Variants in TSPAN32 observed in about 807,000 individuals in gnomAD.
TSPAN32 encodes the protein tetraspanin-32.
Under a neutral mutation model 42.7 loss-of-function variants are expected in TSPAN32, and 47 were observed. The observed-to-expected ratio is 1.10, with a 90% confidence interval of 0.87 to 1.40. The LOEUF is 1.40. Ranked by LOEUF, TSPAN32 falls within the 40% of genes most tolerant of loss-of-function variation. The pLI is 0.00. For missense variants in TSPAN32, 469 were observed against 424.1 expected (o/e 1.11, Z -0.93); for synonymous variants, 175 against 175.9 (o/e 0.99, Z 0.04).
chr11:2,302,103 C>T lies in TSPAN32; in HGVS notation c.-47C>T. 1 of 1,486,166 alleles carries T rather than the reference C, an allele frequency of 6.7e-7. No individual in the cohort carries two copies. Among genetic ancestry groups the T allele is most frequent in the Non-Finnish European group, 8.9e-7 (1 of 1,119,568 alleles). 92.1% of individuals were successfully genotyped at this position (1,486,166 alleles called of 1,614,324 possible). A position where few individuals can be genotyped will look rare whatever the true frequency, so the allele number is the denominator to read the frequency against. On this transcript the variant is annotated 5_prime_UTR_variant, in exon 1 of 10. Transcript: ENST00000182290. ...CTGAGGCCCCTGCCCAGCTGGAAAC[C>T]ACAGGGAGGGGAAGGGAGGGGAGGA... is the stretch of plus-strand genomic sequence containing the variant.
chr11:2,317,579 G>A lies in TSPAN32; in HGVS notation c.901+54G>A. Reference sequence around the variant, plus strand: ...TGGGATCCCTGAGGGGAGGGTCCGAGCTGTGAGGAGGGAAGGGAGTGAAGG... The same window carrying A: ...TGGGATCCCTGAGGGGAGGGTCCGAACTGTGAGGAGGGAAGGGAGTGAAGG... On this transcript the variant is annotated intron_variant, in intron 9 of 9. Coordinates refer to ENST00000182290, the MANE Select transcript of TSPAN32 (RefSeq NM_139022.3). This position sits in a 1 kb window ranked among gnomAD's most constrained non-coding sequence, Gnocchi z 6.2. 14 of 1,528,420 alleles carry A rather than the reference G, an allele frequency of 9.2e-6. No individual in the cohort carries two copies. Among genetic ancestry groups the A allele is most frequent in the Non-Finnish European group, 1.2e-5 (14 of 1,141,742 alleles). The allele number at this position is 1,528,420 out of a possible 1,614,324, so 94.7% of individuals were successfully genotyped here.
rs1291676764 is a variant in TSPAN32 at position 2,317,569 on chromosome 11, G to A, written c.901+44G>A. On this transcript the variant is annotated intron_variant, in intron 9 of 9. Coordinates refer to ENST00000182290, the MANE Select transcript of TSPAN32 (RefSeq NM_139022.3). This position sits in a 1 kb window ranked among gnomAD's most constrained non-coding sequence, Gnocchi z 6.2. ...TCAGCCCTCATGGGATCCCTGAGGG[G>A]AGGGTCCGAGCTGTGAGGAGGGAAG... is the stretch of plus-strand genomic sequence containing the variant. 1 of 1,538,502 alleles carries A rather than the reference G, an allele frequency of 6.5e-7. No individual in the cohort carries two copies.
intron 3 of TSPAN32, among the ~76,000 whole-genome samples, chr11:2,305,156 A>G (rs1413499480): frequency 6.6e-6 from 1 of 152,238 alleles, no homozygotes; most frequent in Non-Finnish European, 1.5e-5. Context: ...AATGTCTCCA[A>G]GAATAGGAAT....
Position 2,317,824 on chromosome 11 carries a change from T to G in TSPAN32, c.902-39T>G, listed in dbSNP as rs1001574590. 8 of 1,604,976 alleles carry G rather than the reference T, an allele frequency of 5.0e-6. No individual in the cohort carries two copies. Among genetic ancestry groups the G allele is most frequent in the African/African-American group, 1.3e-5 (1 of 74,662 alleles). On this transcript the variant is annotated intron_variant, in intron 9 of 9. Transcript: ENST00000182290. This position sits in a 1 kb window ranked among gnomAD's most constrained non-coding sequence, Gnocchi z 6.2. ...TATGCTGCGTAAGAAGCAGCATGGA[T>G]GTAAGGACTGCAAGCAGTGCCCATT...
intron 2 of TSPAN32, 133 bp from the exon 3 acceptor site, chr11:2,303,974 G>A: frequency 1.5e-6 from 1 of 651,082 alleles, no homozygotes; most frequent in Non-Finnish European, 2.7e-6. Context: ...CTGATGGAGA[G>A]ACAGGCCCAT....
chr11:2,315,976 G>A (rs1452453780), intron 6 of TSPAN32: 2 of 1,532,502 alleles, frequency 1.3e-6, no homozygotes, highest in African/African-American at 1.4e-5. Flanking sequence ...AGGACAGCTG[G>A]GAGACGGCAC....
At position 2,304,478 on chromosome 11, in the gene TSPAN32, C is replaced by T. The variant is rs145841753; in HGVS notation, c.279+274C>T. Among the ~76,000 whole-genome samples, 1,006 of 152,082 alleles carry T rather than the reference C, an allele frequency of 6.6e-3. 1 individual carries two copies. Among genetic ancestry groups the T allele is most frequent in the Non-Finnish European group, 0.011 (771 of 67,952 alleles). On this transcript the variant is annotated intron_variant, in intron 3 of 9. Coordinates refer to ENST00000182290, the MANE Select transcript of TSPAN32 (RefSeq NM_139022.3). This position sits in a 1 kb window ranked among gnomAD's most constrained non-coding sequence, Gnocchi z 4.8. ...TACCTCACCCTGTCATCTACACGCC[C>T]AACAAGGGTTCCTATAGGAGCTCTG...
chr11:2,316,465 C>A, intron 7 of TSPAN32, 111 bp from the exon 8 acceptor site: 1 of 1,574,906 alleles, frequency 6.3e-7, no homozygotes, highest in Non-Finnish European at 8.6e-7. Context: ...TGTGACAGGG[C>A]CTGCCTCCTA....
chr11:2,312,937 G>A (rs1848549893), intron 4 of TSPAN32, among the ~76,000 whole-genome samples: 1 of 152,224 alleles, frequency 6.6e-6, no homozygotes, highest in South Asian at 2.1e-4. Context: ...TCCTGTAGGA[G>A]GCGAGATTCC....
intron 4 of TSPAN32, among the ~76,000 whole-genome samples, chr11:2,312,991 C>T (rs1310196858): frequency 6.6e-6 from 1 of 152,138 alleles, no homozygotes; most frequent in African/African-American, 2.4e-5. Context: ...GAGCATCTTG[C>T]TTAGGAGGGT....
intron 2 of TSPAN32, among the ~76,000 whole-genome samples, chr11:2,303,819 G>A (rs1028324110): frequency 2.6e-5 from 4 of 152,170 alleles, no homozygotes; most frequent in Admixed American, 2.6e-4. Context: ...CTCCAGTCCG[G>A]CCACTTGTCA....
chr11:2,308,325 C>T (rs934594544), intron 3 of TSPAN32, among the ~76,000 whole-genome samples: 2 of 152,164 alleles, frequency 1.3e-5, no homozygotes, highest in African/African-American at 2.4e-5. Flanking sequence ...CTGCTGGGGG[C>T]GCAGCCTGAG....
At chr11:2,306,431 G>T (rs970489767) in intron 3 of TSPAN32, among the ~76,000 whole-genome samples, 3 of 152,062 alleles carry the variant, frequency 2.0e-5, no homozygotes, top group East Asian at 3.9e-4. Flanking sequence ...GAAAGAAAAT[G>T]GCCAGGGCAG....
chr11:2,302,648 C>T (rs1847824444), intron 1 of TSPAN32, 196 bp from the exon 2 acceptor site: 1 of 595,152 alleles, frequency 1.7e-6, no homozygotes, highest in Admixed American at 3.0e-5. Context: ...TGTGGGGGTG[C>T]CTGTGAGTGT....
In TSPAN32 at chr11:2,316,316, C is replaced by T; in HGVS notation, c.627+4C>T. On this transcript the variant is annotated splice_donor_region_variant and intron_variant, in intron 7 of 9. Coordinates refer to ENST00000182290, the MANE Select transcript of TSPAN32 (RefSeq NM_139022.3). ...CAGCATCGGCCTGGCCCTCACGGTA[C>T]CCTCTCGCCTCCCTCACTGCCCCTT... 6.3e-7 allele frequency: 1 copy of T among 1,594,014 alleles called. No homozygotes were observed. Among genetic ancestry groups the T allele is most frequent in the African/African-American group, 1.3e-5 (1 of 74,724 alleles).
At chr11:2,312,088 G>C (rs913708191) in intron 4 of TSPAN32, among the ~76,000 whole-genome samples, 1 of 152,212 alleles carries the variant, frequency 6.6e-6, no homozygotes, top group Non-Finnish European at 1.5e-5. Flanking sequence ...GGCAGAGCAG[G>C]CCCCTCAGCC....
chr11:2,311,964 C>T (rs554631932), intron 4 of TSPAN32, among the ~76,000 whole-genome samples: 1 of 152,192 alleles, frequency 6.6e-6, no homozygotes, highest in Non-Finnish European at 1.5e-5. Context: ...AGGCCTACCT[C>T]GCTGAGCTCT....
At chr11:2,303,010 T>C in intron 2 of TSPAN32, 52 bp downstream of exon 2, 1 of 1,519,348 alleles carries the variant, frequency 6.6e-7, no homozygotes, top group Non-Finnish European at 9.1e-7. Context: ...GGTGCAAGGG[T>C]GGCTGGCACG....
chr11:2,309,722 C>T (rs1470325010), intron 4 of TSPAN32, among the ~76,000 whole-genome samples: 2 of 152,212 alleles, frequency 1.3e-5, no homozygotes, highest in Non-Finnish European at 2.9e-5. Context: ...CAGGCAGGTC[C>T]TCTGGCTGAG....
Sources: allele counts gnomAD v4.1 joint callset (sites outside exome capture counted in the v4.1 genomes callset), GRCh38; gene constraint gnomAD v4.1.1; non-coding constraint Gnocchi (gnomAD v3.1); transcripts MANE v1.5; gene names NCBI Gene and HGNC (gene_info 2026-07-23, HGNC 2026-07-21).